Variants in WWOX observed in about 807,000 individuals in gnomAD.
WWOX encodes the protein WW domain-containing oxidoreductase.
WWOX carries 69 observed loss-of-function variants against 46.2 expected under a neutral mutation model. The ratio of observed to expected loss-of-function variants is 1.49; its 90% confidence interval spans 1.23 to 1.82. WWOX has a LOEUF of 1.82. Among genes scored for constraint, WWOX ranks in the 40% most tolerant of loss-of-function variants. The probability of loss-of-function intolerance (pLI) is 0.00; values close to 1 mark genes in which losing one functional copy is unlikely to be tolerated. For synonymous variants in WWOX, 359 were observed against 202.6 expected (o/e 1.77, Z -6.56); for missense variants, 919 against 542.6 (o/e 1.69, Z -6.89).
intron 8 of WWOX, among the ~76,000 whole-genome samples, chr16:78,625,381 C>T (rs1364478904): frequency 6.6e-6 from 1 of 152,156 alleles, no homozygotes; most frequent in Non-Finnish European, 1.5e-5. Context: ...AAATTCACCC[C>T]CACACAATCC....
intron 8 of WWOX, among the ~76,000 whole-genome samples, chr16:78,604,158 A>C (rs968043554): frequency 2.0e-5 from 3 of 152,098 alleles, no homozygotes; most frequent in African/African-American, 7.2e-5. Context: ...ATAAATAAAT[A>C]AAATTAGAAT....
intron 8 of WWOX, among the ~76,000 whole-genome samples, chr16:78,730,990 A>C (rs781459942): frequency 1.3e-5 from 2 of 152,148 alleles, no homozygotes; most frequent in Non-Finnish European, 2.9e-5. Flanking sequence ...TACAGTATCA[A>C]ATCAACTGCA....
chr16:78,437,024 G>A (rs2083350263), intron 8 of WWOX, among the ~76,000 whole-genome samples: 1 of 152,202 alleles, frequency 6.6e-6, no homozygotes, highest in South Asian at 2.1e-4. Flanking sequence ...GATGGCTAGT[G>A]TGCTCTGCCT....
chr16:78,977,859 C>T (rs188971744), intron 8 of WWOX, among the ~76,000 whole-genome samples: 12 of 152,274 alleles, frequency 7.9e-5, no homozygotes, highest in Non-Finnish European at 1.2e-4. Flanking sequence ...ACTTCAAGGA[C>T]GCTTTTTGTT....
At chr16:78,744,289 T>C (rs2049296220) in intron 8 of WWOX, among the ~76,000 whole-genome samples, 1 of 152,158 alleles carries the variant, frequency 6.6e-6, no homozygotes, top group South Asian at 2.1e-4. Flanking sequence ...AGGCTATAAC[T>C]GCAAGGTGTG....
At chr16:78,735,681 C>G (rs1260299163) in intron 8 of WWOX, among the ~76,000 whole-genome samples, 1 of 152,202 alleles carries the variant, frequency 6.6e-6, no homozygotes, top group Non-Finnish European at 1.5e-5. Flanking sequence ...CCTGGCGTCA[C>G]CACGGCCACC....
intron 8 of WWOX, among the ~76,000 whole-genome samples, chr16:78,506,774 A>G (rs2085217695): frequency 6.9e-6 from 1 of 143,950 alleles, no homozygotes; most frequent in African/African-American, 2.6e-5. Flanking sequence ...CAGTGGAACA[A>G]TCTCTGTATG....
chr16:78,780,100 T>C (rs1487576610), intron 8 of WWOX, among the ~76,000 whole-genome samples: 3 of 152,192 alleles, frequency 2.0e-5, no homozygotes, highest in Non-Finnish European at 4.4e-5. Flanking sequence ...GTTCTCGTAC[T>C]TCAGGTCCCT....
intron 8 of WWOX, among the ~76,000 whole-genome samples, chr16:78,737,392 C>A (rs1424148933): frequency 6.6e-6 from 1 of 151,808 alleles, no homozygotes. Flanking sequence ...CTGCCTCAGC[C>A]TCCCAAAGTG....
At chr16:79,056,704 C>G (rs1181558026) in intron 8 of WWOX, among the ~76,000 whole-genome samples, 1 of 152,220 alleles carries the variant, frequency 6.6e-6, no homozygotes, top group Non-Finnish European at 1.5e-5. Flanking sequence ...AGGGTCATGT[C>G]TCTTGGCTGG....
intron 8 of WWOX, among the ~76,000 whole-genome samples, chr16:78,753,455 T>C (rs932554734): frequency 1.3e-5 from 2 of 152,178 alleles, no homozygotes; most frequent in African/African-American, 4.8e-5. Flanking sequence ...TTCTCAGTTT[T>C]CTTTGTTGCA....
chr16:78,445,926 A>G (rs1597096628), intron 8 of WWOX, among the ~76,000 whole-genome samples: 1 of 152,040 alleles, frequency 6.6e-6, no homozygotes, highest in Admixed American at 6.6e-5. Context: ...AAACAGCTTT[A>G]CTTACGTTTT....
At chr16:79,206,800 A>C (rs2051527098) in intron 8 of WWOX, 1 of 152,130 alleles carries the variant, frequency 6.6e-6, no homozygotes, top group Non-Finnish European at 1.5e-5. Flanking sequence ...TGGTGTGGTC[A>C]CCTAGCCAGG....
intron 5 of WWOX, among the ~76,000 whole-genome samples, chr16:78,223,414 C>A (rs1186812388): frequency 2.0e-5 from 3 of 152,130 alleles, no homozygotes; most frequent in Admixed American, 2.0e-4. Context: ...TGCTTTTCAA[C>A]CTTGAAGCAC....
At position 79,211,924 on chromosome 16, in the gene WWOX, TCACAACA is replaced by T. The variant is rs1319732372; in HGVS notation, c.*129_*135del. On this transcript the variant is annotated 3_prime_UTR_variant, in exon 9 of 9. Coordinates refer to ENST00000566780, the MANE Select transcript of WWOX (RefSeq NM_016373.4). ...GCAAGAGTAAAGGAAATAAGAGCAG[TCACAACA>T]GAGTGAAAAATCTTAAGTACCAATG... The T allele has an allele frequency of 2.6e-6, 4 of 1,539,894 alleles. No individual in the cohort carries two copies. Among genetic ancestry groups the T allele is most frequent in the Admixed American group, 2.0e-5 (1 of 51,086 alleles).
chr16:79,161,240 G>A (rs940842978), intron 8 of WWOX, among the ~76,000 whole-genome samples: 9 of 151,994 alleles, frequency 5.9e-5, no homozygotes, highest in Non-Finnish European at 1.2e-4. Context: ...AAGTGAAGGT[G>A]GTTTCAAATC....
intron 8 of WWOX, among the ~76,000 whole-genome samples, chr16:78,575,322 C>A (rs781354579): frequency 4.7e-5 from 7 of 149,974 alleles, no homozygotes; most frequent in Non-Finnish European, 1.0e-4. Context: ...TAATACTGTT[C>A]CTAGTTAGTA....
intron 8 of WWOX, among the ~76,000 whole-genome samples, chr16:78,638,218 G>A (rs993713733): frequency 2.6e-5 from 4 of 152,188 alleles, no homozygotes; most frequent in Admixed American, 2.6e-4. Flanking sequence ...CCATTTTGCA[G>A]ACAAGCCAAC....
chr16:79,070,996 G>A (rs182465119), intron 8 of WWOX, among the ~76,000 whole-genome samples: 80 of 152,318 alleles, frequency 5.3e-4, no homozygotes, highest in Middle Eastern at 3.4e-3. Flanking sequence ...TTGGGACTCA[G>A]AATGTAGGGA....
Sources: allele counts gnomAD v4.1 joint callset (sites outside exome capture counted in the v4.1 genomes callset), GRCh38; gene constraint gnomAD v4.1.1; transcripts MANE v1.5; gene names NCBI Gene and HGNC (gene_info 2026-07-23, HGNC 2026-07-21).